Variants in ZNF224 observed in about 807,000 individuals in gnomAD.
ZNF224 encodes the protein bone marrow zinc finger 2.
In ZNF224, 8 loss-of-function variants were observed where a neutral mutation model predicts 10.5. That is an observed-to-expected ratio of 0.76 (90% CI 0.45 to 1.37). ZNF224 has a LOEUF of 1.37. ZNF224 is among the 40% of genes most tolerant of loss of function. ZNF224 has a pLI of 0.00. For synonymous variants in ZNF224, 282 were observed against 287.8 expected (o/e 0.98, Z 0.20); for missense variants, 754 against 854.0 (o/e 0.88, Z 1.46).
Position 44,108,451 on chromosome 19 carries a change from A to C in ZNF224, c.*167A>C. The C allele has an allele frequency of 1.3e-6, 1 of 756,436 alleles. No individual in the cohort carries two copies. The highest frequency in any genetic ancestry group is 2.1e-6 in the Non-Finnish European group (1 of 481,740). The allele number at this position is 756,436 out of a possible 1,614,324, so 46.9% of individuals were successfully genotyped here. ...GTGATAAATTTCACCCATTCTTGGA[A>C]GAGGGAAAACATTTGTTTAAGATAA... On this transcript the variant is annotated 3_prime_UTR_variant, in exon 6 of 6. Transcript: ENST00000693561.
At chr19:44,099,067 T>C (rs1208258274) in intron 3 of ZNF224, among the ~76,000 whole-genome samples, 1 of 152,206 alleles carries the variant, frequency 6.6e-6, no homozygotes, top group Non-Finnish European at 1.5e-5. Flanking sequence ...TTAGCCTTTT[T>C]ACTCAGTTGA....
Position 44,108,502 on chromosome 19 carries a change from C to T in ZNF224, c.*218C>T, listed in dbSNP as rs1967754669. 5.3e-6 allele frequency: 3 copies of T among 564,198 alleles called. No individual in the cohort carries two copies. In the South Asian group the frequency reaches 6.3e-5, roughly 12 times the overall value. The allele number at this position is 564,198 out of a possible 1,614,324, so 34.9% of individuals were successfully genotyped here. ...CATCAGTGCTTCAGCCATAGCTCAGCATGCCCCAGTAGTCTCAGGACCACC... is the reference window on the plus strand; with the variant it reads ...CATCAGTGCTTCAGCCATAGCTCAGTATGCCCCAGTAGTCTCAGGACCACC... On this transcript the variant is annotated 3_prime_UTR_variant, in exon 6 of 6. Transcript: ENST00000693561.
Position 44,107,879 on chromosome 19 carries a change from T to G in ZNF224, c.1719T>G (p.Cys573Trp). 1 of 1,601,094 alleles carries G rather than the reference T, an allele frequency of 6.2e-7. No individual in the cohort carries two copies. The highest frequency in any genetic ancestry group is 8.5e-7 in the Non-Finnish European group (1 of 1,171,978). ...AAAAACCATTCAAATGTGAAGAGTG[T>G]GGGAAAAGATTTACTCAGAATTCAC... ...SGEKPFKCEE[C>W]GKRFTQNSQL... The change falls in exon 6 of 6, where the codon TGT (cysteine) becomes TGG (tryptophan). Residue 573 changes from cysteine to tryptophan, a missense_variant. Cys to Trp is a radical substitution (Grantham distance 215, BLOSUM62 -2). Transcript: ENST00000693561.
rs201554115 is a variant in ZNF224, at chr19:44,107,146, C to T, written c.986C>T (p.Ser329Leu). The change falls in exon 6 of 6, where the codon TCA becomes TTA. Residue 329 changes from serine (S) to leucine (L), a missense_variant. Physicochemically the swap from Ser to Leu is moderately radical, Grantham distance 145 (BLOSUM62 -2). Transcript: ENST00000693561. ...DTCDKSFRQRSALNSHRMIHT... is the reference protein window; with the variant it reads ...DTCDKSFRQRLALNSHRMIHT... ...TGTGATAAGAGCTTTCGTCAGAGAT[C>T]AGCACTTAATAGTCATCGCATGATC... is the stretch of plus-strand genomic sequence containing the variant. The T allele has an allele frequency of 6.2e-7, 1 of 1,606,796 alleles. No individual in the cohort carries two copies. Among genetic ancestry groups the T allele is most frequent in the South Asian group, 1.1e-5 (1 of 90,022 alleles).
Position 44,106,403 on chromosome 19 carries a change from G to A in ZNF224, c.243G>A (p.Lys81=), listed in dbSNP as rs1276463257. The change falls in exon 6 of 6, where the codon AAG becomes AAA. Residue 81 remains lysine (K), a synonymous_variant. Coordinates refer to ENST00000693561, the MANE Select transcript of ZNF224 (RefSeq NM_001321645.3). The part of the protein sequence containing the change: ...AIQREGNSGD[K]IQTEMETVSE... ...AATTCTGTATTCTGATAGGAGACAA[G>A]ATCCAAACTGAGATGGAGACTGTTT... 1 of 1,613,996 alleles carries A rather than the reference G, an allele frequency of 6.2e-7. No individual in the cohort carries two copies. Among genetic ancestry groups the A allele is most frequent in the East Asian group, 2.2e-5 (1 of 44,880 alleles).
intron 5 of ZNF224, among the ~76,000 whole-genome samples, chr19:44,104,366 C>G (rs1032204695): frequency 1.3e-5 from 2 of 152,180 alleles, no homozygotes; most frequent in Non-Finnish European, 2.9e-5. Context: ...TACAGAAGAT[C>G]GCTCTCACTT....
In ZNF224 at chr19:44,102,369, G is replaced by A. The variant is rs191166914; in HGVS notation, c.235+1144G>A. Among the ~76,000 whole-genome samples, 62 of 152,258 alleles carry A rather than the reference G, an allele frequency of 4.1e-4. 1 individual carries two copies. Among genetic ancestry groups the A allele is most frequent in the African/African-American group, 1.4e-3 (58 of 41,552 alleles). On this transcript the variant is annotated intron_variant, in intron 5 of 5. Transcript: ENST00000693561. ...TCACTTCTACATGCTGGACTATAAT[G>A]TCTAAGGAATTTTAACTCTTCGTGG...
chr19:44,099,605 C>T (rs553607187), intron 3 of ZNF224, among the ~76,000 whole-genome samples: 1 of 152,032 alleles, frequency 6.6e-6, no homozygotes, highest in Admixed American at 6.6e-5. Context: ...ATAATCCTGG[C>T]ACTTTAGGAG....
intron 3 of ZNF224, among the ~76,000 whole-genome samples, chr19:44,098,646 C>T (rs1015380561): frequency 1.5e-4 from 22 of 151,612 alleles, no homozygotes; most frequent in African/African-American, 4.9e-4. Flanking sequence ...TGCAATGGTG[C>T]GATCTCGGCT....
Position 44,106,619 on chromosome 19 carries a change from TA to T in ZNF224, c.462del (p.Lys154AsnfsTer183). The T allele has an allele frequency of 6.2e-7, 1 of 1,601,238 alleles. No individual in the cohort carries two copies. The highest frequency in any genetic ancestry group is 8.5e-7 in the Non-Finnish European group (1 of 1,172,886). On this transcript the variant is annotated frameshift_variant, in exon 6 of 6. Coordinates refer to ENST00000693561, the MANE Select transcript of ZNF224 (RefSeq NM_001321645.3). LOFTEE classifies it low-confidence loss of function (END_TRUNC). ...AGAAATCTTCCCAGGGCAATGGATA[TA>T]AACCATCCTTCAGTGATGTCTCCCA... ...RQKSSQGNGYKPSFSDVSHFD... is the reference protein window; with the variant it reads ...RQKSSQGNGYXPSFSDVSHFD...
rs1177981504 is a variant in ZNF224 at position 44,099,823 on chromosome 19, T to TA, written c.16-967dup. On this transcript the variant is annotated intron_variant, in intron 3 of 5. Transcript: ENST00000693561. ...CCCCTTGAAAGATTTTGAAGTTAGG[T>TA]AAAAAAAAAAATTGAGAAAACATGA... 8.6e-3 allele frequency among the ~76,000 whole-genome samples: 1,297 copies of TA among 150,292 alleles called. 23 individuals carry two copies. Among genetic ancestry groups the TA allele is most frequent in the African/African-American group, 0.029 (1,204 of 40,924 alleles).
At chr19:44,099,470 C>T (rs1396470378) in intron 3 of ZNF224, among the ~76,000 whole-genome samples, 2 of 151,886 alleles carry the variant, frequency 1.3e-5, no homozygotes, top group Non-Finnish European at 2.9e-5. Context: ...AAGGACATTA[C>T]CAGGAATGTA....
In ZNF224 at chr19:44,096,208, T is replaced by C. The variant is rs1967433299; in HGVS notation, c.-157-135T>C. The C allele has an allele frequency of 2.6e-5, 4 of 152,234 alleles. No homozygotes were observed. The South Asian group carries it at 8.3e-4, about 31-fold the overall frequency. The allele number at this position is 152,234 out of a possible 1,614,324, so 9.4% of individuals were successfully genotyped here. On this transcript the variant is annotated intron_variant, in intron 1 of 5. Transcript: ENST00000693561. ...TTCCTATGACTGTTTCCTAAAATTA[T>C]AAAACTTTTTATTTTCATGTCATTT...
chr19:44,107,120 G>C lies in ZNF224; in HGVS notation c.960G>C (p.Thr320=), dbSNP rs572888984. ...CAGAGAAACCATTCCGATGTGATAC[G>C]TGTGATAAGAGCTTTCGTCAGAGAT... The part of the protein sequence containing the change: ...HTAEKPFRCD[T]CDKSFRQRSA... Residue 320 remains threonine, a synonymous_variant, in exon 6 of 6, where the codon ACG becomes ACC. Coordinates refer to ENST00000693561, the MANE Select transcript of ZNF224 (RefSeq NM_001321645.3). 6.2e-7 allele frequency: 1 copy of C among 1,605,428 alleles called. No individual in the cohort carries two copies. Among genetic ancestry groups the C allele is most frequent in the Non-Finnish European group, 8.5e-7 (1 of 1,175,264 alleles).
At chr19:44,101,388 C>G (rs927404101) in intron 5 of ZNF224, among the ~76,000 whole-genome samples, 163 bp downstream of exon 5, 6 of 152,252 alleles carry the variant, frequency 3.9e-5, no homozygotes, top group African/African-American at 1.4e-4. Context: ...CACATCCTGA[C>G]ATCTGTTCTC....
Position 44,107,429 on chromosome 19 carries a change from T to A in ZNF224, c.1269T>A (p.Ser423Arg). 6.2e-7 allele frequency: 1 copy of A among 1,607,628 alleles called. No homozygotes were observed. The highest frequency in any genetic ancestry group is 8.5e-7 in the Non-Finnish European group (1 of 1,177,788). Residue 423 changes from serine to arginine, a missense_variant, in exon 6 of 6, where the codon AGT becomes AGA. Physicochemically the swap from Ser to Arg is moderately radical, Grantham distance 110 (BLOSUM62 -1). Transcript: ENST00000693561. ...SQCYSHQRSH[S>R]GEKPYKCVEC... Reference sequence around the variant, plus strand: ...GCTATTCCCACCAGAGATCCCATAGTGGAGAAAAACCATACAAATGTGTGG... The same window carrying A: ...GCTATTCCCACCAGAGATCCCATAGAGGAGAAAAACCATACAAATGTGTGG...
In ZNF224 at chr19:44,108,226, T is replaced by C; in HGVS notation, c.2066T>C (p.Phe689Ser). ...TWKCRECDMC[F>S]SQASSLRLHQ... Reference sequence around the variant, plus strand: ...AAGTGTAGGGAGTGTGATATGTGCTTTAGTCAGGCCTCAAGCCTTCGACTT... The same window carrying C: ...AAGTGTAGGGAGTGTGATATGTGCTCTAGTCAGGCCTCAAGCCTTCGACTT... The change falls in exon 6 of 6, where the codon TTT becomes TCT. Residue 689 changes from phenylalanine to serine, a missense_variant. By Grantham distance (155) the Phe-to-Ser change is radical. Transcript: ENST00000693561. 1 of 1,613,866 alleles carries C rather than the reference T, an allele frequency of 6.2e-7. No homozygotes were observed. Among genetic ancestry groups the C allele is most frequent in the Non-Finnish European group, 8.5e-7 (1 of 1,179,908 alleles).
In ZNF224 at chr19:44,101,658, A is replaced by G. The variant is rs369140955; in HGVS notation, c.235+433A>G. Reference sequence around the variant, plus strand: ...GGGCACTGTGTTGCCTTTTGCTGGTACCCAGTGACCACAGACTGAGCAGAC... The same window carrying G: ...GGGCACTGTGTTGCCTTTTGCTGGTGCCCAGTGACCACAGACTGAGCAGAC... On this transcript the variant is annotated intron_variant, in intron 5 of 5. Coordinates refer to ENST00000693561, the MANE Select transcript of ZNF224 (RefSeq NM_001321645.3). Among the ~76,000 whole-genome samples the G allele has an allele frequency of 2.6e-5, 4 of 152,242 alleles. 1 individual carries two copies. Among genetic ancestry groups the G allele is most frequent in the African/African-American group, 9.6e-5 (4 of 41,548 alleles).
At position 44,109,314 on chromosome 19, in the gene ZNF224, ATTTC is replaced by A. The variant is rs1169452863; in HGVS notation, c.*1034_*1037del. The A allele has an allele frequency of 3.4e-5, 5 of 148,312 alleles. No homozygotes were observed. Among genetic ancestry groups the A allele is most frequent in the South Asian group, 2.1e-4 (1 of 4,692 alleles). 9.2% of individuals were successfully genotyped at this position (148,312 alleles called of 1,614,324 possible). A position where few individuals can be genotyped will look rare whatever the true frequency, so the allele number is the denominator to read the frequency against. ...ATGATTGCCTTTTAATTGCTGTACA[ATTTC>A]TTTTTTTTTTTTAACTTCTCTGGTA... On this transcript the variant is annotated 3_prime_UTR_variant, in exon 6 of 6. Transcript: ENST00000693561.
Sources: allele counts gnomAD v4.1 joint callset (sites outside exome capture counted in the v4.1 genomes callset), GRCh38; gene constraint gnomAD v4.1.1; transcripts MANE v1.5; gene names NCBI Gene and HGNC (gene_info 2026-07-23, HGNC 2026-07-21).